Variants in TRPM3 observed in about 807,000 individuals in gnomAD.
The protein encoded by TRPM3 is long transient receptor potential channel 3.
TRPM3 carries 77 observed loss-of-function variants against 181.2 expected under a neutral mutation model. The observed-to-expected ratio is 0.42, with a 90% CI of 0.35 to 0.51. TRPM3 has a LOEUF of 0.51. TRPM3 is among the 20% of genes least tolerant of loss of function. The pLI is 0.01. For synonymous variants in TRPM3, 745 were observed against 796.4 expected (o/e 0.94, Z 1.09); for missense variants, 1,759 against 2,196.7 (o/e 0.80, Z 3.98).
intron 1 of TRPM3, among the ~76,000 whole-genome samples, chr9:71,069,567 A>C (rs2062425938): frequency 6.6e-6 from 1 of 151,704 alleles, no homozygotes; most frequent in African/African-American, 2.4e-5. Context: ...TAGATAGGAC[A>C]GGTAGGAATA....
Position 71,194,771 on chromosome 9 carries a change from T to C in TRPM3, c.183+251882A>G, listed in dbSNP as rs1273548383. 3.3e-5 allele frequency among the ~76,000 whole-genome samples: 5 copies of C among 151,758 alleles called. 1 individual carries two copies. The highest frequency in any genetic ancestry group is 2.0e-4 in the Admixed American group (3 of 15,188). On this transcript the variant is annotated intron_variant, in intron 1 of 24. Coordinates refer to the TRPM3 transcript ENST00000357533. ...CCACTACAGTACTGAAAGCATACTC[T>C]ACCATTGGGAGTATGCAACACTTAT...
At chr9:71,389,274 A>G (rs1588796833) in intron 1 of TRPM3, among the ~76,000 whole-genome samples, 2 of 152,038 alleles carry the variant, frequency 1.3e-5, no homozygotes, top group East Asian at 1.9e-4. Context: ...CAAAACCACA[A>G]TGTGATACCC....
At chr9:71,171,275 AC>A (rs990007388) in intron 1 of TRPM3, among the ~76,000 whole-genome samples, 1 of 152,118 alleles carries the variant, frequency 6.6e-6, no homozygotes, top group African/African-American at 2.4e-5. Flanking sequence ...CCCTGCCTCC[AC>A]TTGCCTTGTG....
At chr9:70,838,995 C>A (rs1360173407) in intron 5 of TRPM3, among the ~76,000 whole-genome samples, 2 of 152,126 alleles carry the variant, frequency 1.3e-5, no homozygotes, top group Non-Finnish European at 2.9e-5. Flanking sequence ...TACCGCCACA[C>A]CCAACAGGCC....
At chr9:70,958,587 A>G (rs957882133) in intron 1 of TRPM3, among the ~76,000 whole-genome samples, 10 of 152,150 alleles carry the variant, frequency 6.6e-5, no homozygotes, top group African/African-American at 2.4e-4. Context: ...TTCTTTTAGG[A>G]AGTCAAGGTG....
In TRPM3 at chr9:70,536,108, T is replaced by C; in HGVS notation, c.5005A>G (p.Ser1669Gly). The change falls in exon 26 of 26, where the codon AGT (serine) becomes GGT (glycine). Residue 1669 changes from serine (S) to glycine (G), a missense_variant. By Grantham distance (56) the Ser-to-Gly change is moderately conservative (BLOSUM62 0). Transcript: ENST00000677713. ...TTCCGCTGCCTGTCGAGTTTGTCAC[T>C]GATGGAGAAGCTCTTCCTGGTGTGT... is the stretch of plus-strand genomic sequence containing the variant. The part of the protein sequence containing the change: ...YAHTRKSFSI[S>G]DKLDRQRNTA... 6.2e-7 allele frequency: 1 copy of C among 1,614,230 alleles called. No individual in the cohort carries two copies. Among genetic ancestry groups the C allele is most frequent in the Middle Eastern group, 1.6e-4 (1 of 6,062 alleles).
chr9:70,916,387 T>C (rs1263843575), intron 1 of TRPM3, among the ~76,000 whole-genome samples: 1 of 152,184 alleles, frequency 6.6e-6, no homozygotes, highest in Non-Finnish European at 1.5e-5. Context: ...AACTCTTGTG[T>C]AGAAAGACTA....
rs528397648 is a variant in TRPM3 at position 71,431,999 on chromosome 9, G to A, written c.183+14654C>T. ...ATACACTGATGAATAAAATACAGTC[G>A]TTGCCCTGAAGGAGATCCTAAACCA... On this transcript the variant is annotated intron_variant, in intron 1 of 24. Transcript: ENST00000357533. Among the ~76,000 whole-genome samples the A allele has an allele frequency of 9.2e-5, 14 of 152,240 alleles. No homozygotes were observed. In the East Asian group the frequency reaches 2.1e-3, roughly 23 times the overall value.
chr9:71,260,115 C>T (rs1478106649), intron 1 of TRPM3, among the ~76,000 whole-genome samples: 1 of 152,106 alleles, frequency 6.6e-6, no homozygotes, highest in African/African-American at 2.4e-5. Context: ...GCAGTTTTCC[C>T]AACTCCATTT....
intron 1 of TRPM3, among the ~76,000 whole-genome samples, chr9:71,347,336 T>C (rs1437751291): frequency 6.6e-6 from 1 of 152,156 alleles, no homozygotes; most frequent in Non-Finnish European, 1.5e-5. Flanking sequence ...CATCTGCAGT[T>C]TTCCCCCGCA....
intron 1 of TRPM3, among the ~76,000 whole-genome samples, chr9:71,233,315 C>T (rs1007758349): frequency 9.2e-5 from 14 of 152,212 alleles, no homozygotes; most frequent in African/African-American, 4.8e-5. Flanking sequence ...TTGTAGCCAA[C>T]AGACAACTCA....
intron 1 of TRPM3, among the ~76,000 whole-genome samples, chr9:70,876,321 A>ATG (rs1304652115): frequency 6.7e-6 from 1 of 150,066 alleles, no homozygotes; most frequent in African/African-American, 2.4e-5. Context: ...AGACATATAT[A>ATG]TATATAAACT....
intron 1 of TRPM3, among the ~76,000 whole-genome samples, chr9:71,020,296 G>C (rs1294253912): frequency 1.3e-5 from 2 of 151,872 alleles, no homozygotes; most frequent in Admixed American, 1.3e-4. Flanking sequence ...ATGAGACCCT[G>C]TCTCTACAAA....
chr9:71,036,280 C>G (rs1429585945), intron 1 of TRPM3, among the ~76,000 whole-genome samples: 15 of 152,178 alleles, frequency 9.9e-5, no homozygotes, highest in Non-Finnish European at 2.9e-5. Context: ...ATCCAGATGA[C>G]AGAAAGCAAT....
chr9:71,406,681 C>A (rs1047662814), intron 1 of TRPM3, among the ~76,000 whole-genome samples: 2 of 152,104 alleles, frequency 1.3e-5, no homozygotes, highest in African/African-American at 4.8e-5. Context: ...GTTCAATCAT[C>A]CTTGTTATAA....
At chr9:70,886,703 C>T (rs896737631) in intron 1 of TRPM3, among the ~76,000 whole-genome samples, 1 of 151,212 alleles carries the variant, frequency 6.6e-6, no homozygotes. Flanking sequence ...TCGCTCTTGT[C>T]GCCCAGGCTG....
chr9:71,318,454 C>T (rs577039038), intron 1 of TRPM3, among the ~76,000 whole-genome samples: 18 of 152,244 alleles, frequency 1.2e-4, no homozygotes, highest in Admixed American at 1.1e-3. Context: ...TTTTATTTTT[C>T]AGTAGTTGTG....
intron 8 of TRPM3, among the ~76,000 whole-genome samples, chr9:70,685,978 C>T (rs2066645993): frequency 6.6e-6 from 1 of 150,478 alleles, no homozygotes; most frequent in South Asian, 2.1e-4. Context: ...TATATATATC[C>T]TATAAATTAC....
At chr9:71,361,645 A>T (rs2092149982) in intron 1 of TRPM3, among the ~76,000 whole-genome samples, 3 of 152,172 alleles carry the variant, frequency 2.0e-5, no homozygotes, top group Admixed American at 2.0e-4. Context: ...ACTAGATTGC[A>T]TATTTATCGG....
Sources: allele counts gnomAD v4.1 joint callset (sites outside exome capture counted in the v4.1 genomes callset), GRCh38; gene constraint gnomAD v4.1.1; transcripts MANE v1.5; gene names NCBI Gene and HGNC (gene_info 2026-07-23, HGNC 2026-07-21).